PTPN22: variants seen among roughly 807,000 people sequenced by gnomAD.
PTPN22 encodes protein tyrosine phosphatase non-receptor type 22.
PTPN22 carries 85 observed loss-of-function variants against 103.3 expected under a neutral mutation model. The observed-to-expected ratio is 0.82, with a 90% CI of 0.69 to 0.99. PTPN22 has a LOEUF of 0.99. PTPN22 is among the 50% of genes least tolerant of loss of function. The pLI is 0.00. For missense variants in PTPN22, 865 were observed against 936.9 expected (o/e 0.92, Z 1.00); for synonymous variants, 323 against 310.2 (o/e 1.04, Z -0.43).
chr1:113,862,636 T>C (rs1665715429), intron 1 of PTPN22, among the ~76,000 whole-genome samples: 1 of 152,148 alleles, frequency 6.6e-6, no homozygotes, highest in Non-Finnish European at 1.5e-5. Context: ...AAGGACTACA[T>C]TACTGGATAG....
chr1:113,868,083 T>C (rs546975926), intron 1 of PTPN22, among the ~76,000 whole-genome samples: 1 of 152,364 alleles, frequency 6.6e-6, no homozygotes, highest in South Asian at 2.1e-4. Context: ...GTTGTTGTGT[T>C]ATTTTTGGTA....
chr1:113,854,780 A>T, intron 8 of PTPN22, 127 bp downstream of exon 8: 1 of 1,253,148 alleles, frequency 8.0e-7, no homozygotes, highest in Non-Finnish European at 1.1e-6. Flanking sequence ...ACATGAATTT[A>T]ATGCTTAGGT....
At chr1:113,843,472 C>A (rs1477091869) in intron 11 of PTPN22, among the ~76,000 whole-genome samples, 3 of 152,132 alleles carry the variant, frequency 2.0e-5, no homozygotes, top group Non-Finnish European at 4.4e-5. Flanking sequence ...TATCAGGTAC[C>A]TACAGTAGTC....
intron 20 of PTPN22, among the ~76,000 whole-genome samples, chr1:113,816,483 A>G (rs1262468435): frequency 6.6e-6 from 1 of 151,636 alleles, no homozygotes; most frequent in Non-Finnish European, 1.5e-5. Context: ...GGCACATAGT[A>G]AGTACTCAAA....
In PTPN22 at chr1:113,834,959, A is replaced by AG; in HGVS notation, c.1844dup (p.Pro616SerfsTer8). 1 of 1,571,754 alleles carries AG rather than the reference A, an allele frequency of 6.4e-7. No homozygotes were observed. The highest frequency in any genetic ancestry group is 8.6e-7 in the Non-Finnish European group (1 of 1,163,592). ...ATTCAGGTGTCCATACAGGAAGTGG[A>AG]GGGGGGATTTCATCATCTATCCTTG... On this transcript the variant is annotated frameshift_variant, in exon 14 of 21. Transcript: ENST00000359785. LOFTEE classifies it high-confidence loss of function.
rs56354629 is a variant in PTPN22 at position 113,834,463 on chromosome 1, G to A, written c.1895-24C>T. On this transcript the variant is annotated intron_variant, in intron 14 of 20. Coordinates refer to ENST00000359785, the Ensembl canonical transcript of PTPN22. ...TCCTGGAAGAAAGTGAATATAGTTC[G>A]GTTCTTAAGAATAGTATTCTTTTAG... The A allele has an allele frequency of 1.2e-4, 189 of 1,601,160 alleles. No homozygotes were observed. The East Asian group carries it at 2.5e-3, about 21-fold the overall frequency.
At chr1:113,848,604 T>C in exon 11 of PTPN22, 1 of 1,613,580 alleles carries the variant, frequency 6.2e-7, no homozygotes, top group Non-Finnish European at 8.5e-7. Context: ...TAATACAGCA[T>C]TGTAGACCAG....
intron 1 of PTPN22, among the ~76,000 whole-genome samples, chr1:113,863,679 T>C (rs1665824258): frequency 6.6e-6 from 1 of 152,158 alleles, no homozygotes; most frequent in South Asian, 2.1e-4. Flanking sequence ...GTTTGGTTAG[T>C]ATCATTACTA....
chr1:113,861,571 G>A (rs1409169054), intron 1 of PTPN22, among the ~76,000 whole-genome samples: 1 of 151,708 alleles, frequency 6.6e-6, no homozygotes, highest in Non-Finnish European at 1.5e-5. Context: ...TAGAGACAGG[G>A]TTTCGCCATG....
chr1:113,861,570 G>A (rs1172187324), intron 1 of PTPN22, among the ~76,000 whole-genome samples: 1 of 150,552 alleles, frequency 6.6e-6, no homozygotes, highest in South Asian at 2.1e-4. Context: ...GTAGAGACAG[G>A]GTTTCGCCAT....
chr1:113,837,513 A>G, intron 13 of PTPN22, 77 bp downstream of exon 13: 2 of 991,950 alleles, frequency 2.0e-6, no homozygotes, highest in Non-Finnish European at 3.0e-6. Context: ...AGAAGAGGGA[A>G]GAGGAGAAGA....
At chr1:113,845,206 T>TG (rs1294447617) in intron 11 of PTPN22, among the ~76,000 whole-genome samples, 1 of 148,014 alleles carries the variant, frequency 6.8e-6, no homozygotes, top group Non-Finnish European at 1.5e-5. Flanking sequence ...TTTTGTTTTT[T>TG]TTTTTTTTGA....
intron 1 of PTPN22, among the ~76,000 whole-genome samples, chr1:113,866,717 G>T (rs1257555288): frequency 1.3e-5 from 2 of 152,038 alleles, no homozygotes; most frequent in Non-Finnish European, 2.9e-5. Context: ...AAATGGACAA[G>T]AACTAGAAGA....
At chr1:113,814,593 AG>A (rs1661022763) in exon 21 of PTPN22, 1 of 222,510 alleles carries the variant, frequency 4.5e-6, no homozygotes, top group African/African-American at 2.3e-5. Context: ...TATGTAGAAA[AG>A]TAAAAGAAAA....
intron 16 of PTPN22, 128 bp downstream of exon 16, chr1:113,832,983 T>C: frequency 4.3e-6 from 4 of 935,690 alleles, no homozygotes; most frequent in Non-Finnish European, 6.4e-6. Flanking sequence ...AAGCCAGAAA[T>C]AAATCAATGA....
At chr1:113,839,967 T>C (rs1189294416) in intron 11 of PTPN22, among the ~76,000 whole-genome samples, 1 of 152,068 alleles carries the variant, frequency 6.6e-6, no homozygotes, top group Non-Finnish European at 1.5e-5. Flanking sequence ...ATCCCAGCAC[T>C]TTGGGAGGCC....
chr1:113,814,768 T>A (rs2101843946), exon 21 of PTPN22: 1 of 714,676 alleles, frequency 1.4e-6, no homozygotes, highest in East Asian at 2.8e-5. Flanking sequence ...TGCTTTTCTT[T>A]TAAAAGCTAT....
chr1:113,856,074 C>T (rs1665036697), intron 7 of PTPN22, among the ~76,000 whole-genome samples: 1 of 152,182 alleles, frequency 6.6e-6, no homozygotes. Flanking sequence ...AGTACAGTGG[C>T]ACCATCTCGG....
chr1:113,817,106 A>T lies in PTPN22; in HGVS notation c.2360-2137T>A, dbSNP rs1293717252. The stretch of plus-strand genomic sequence containing the variant: ...ACTCTTCCGAGTGGCAAGAAAGAAG[A>T]TGGAAGGAATACTTTTGGTTAAATA... On this transcript the variant is annotated intron_variant, in intron 20 of 20. Coordinates refer to ENST00000359785, the Ensembl canonical transcript of PTPN22. Among the ~76,000 whole-genome samples the T allele has an allele frequency of 4.6e-5, 7 of 152,194 alleles. 1 individual carries two copies. The East Asian group carries it at 1.3e-3, about 29-fold the overall frequency.
Sources: gnomAD v4.1 joint callset for allele counts (sites outside exome capture counted in the v4.1 genomes callset) on GRCh38, gnomAD v4.1.1 for gene constraint, MANE v1.5 for transcripts, NCBI Gene and HGNC (gene_info 2026-07-23, HGNC 2026-07-21) for gene names.